Variants in USP4 observed in about 807,000 individuals in gnomAD.
USP4 encodes the protein ubiquitin specific peptidase 4.
In USP4, 72 loss-of-function variants were observed where a neutral mutation model predicts 118.2. That is an observed-to-expected ratio of 0.61 (90% CI 0.50 to 0.74). The LOEUF (loss-of-function observed/expected upper bound fraction) is 0.74. USP4 is among the 30% of genes least tolerant of loss of function. The pLI is 0.00. For synonymous variants in USP4, 415 were observed against 440.4 expected, an observed-to-expected ratio of 0.94 and a Z score of 0.72; for missense variants, 1,037 against 1,185.7, an observed-to-expected ratio of 0.87 and a Z score of 1.84.
At chr3:49,282,533 T>C (rs2047043803) in intron 19 of USP4, among the ~76,000 whole-genome samples, 1 of 152,066 alleles carries the variant, frequency 6.6e-6, no homozygotes, top group Admixed American at 6.6e-5. Flanking sequence ...CACCTCAGCC[T>C]CCCAAAGTGC....
chr3:49,309,707 A>T (rs530735383), intron 8 of USP4, among the ~76,000 whole-genome samples: 12 of 144,906 alleles, frequency 8.3e-5, no homozygotes, highest in Non-Finnish European at 1.3e-4. Flanking sequence ...GCTCACTGCA[A>T]CCTCCGTCTC....
At position 49,310,755 on chromosome 3, in the gene USP4, C is replaced by T. The variant is rs142422803; in HGVS notation, c.837-18G>A. ...CAGATCCACTGGAAAACACAACACA[C>T]ATCAGCAATAAAAGCAAGTGCATAA... On this transcript the variant is annotated intron_variant, in intron 7 of 21. Transcript: ENST00000265560. 6.3e-7 allele frequency: 1 copy of T among 1,594,190 alleles called. No individual in the cohort carries two copies. The highest frequency in any genetic ancestry group is 1.3e-5 in the African/African-American group (1 of 74,612).
At chr3:49,311,431 A>G (rs1226879431) in intron 7 of USP4, 83 bp downstream of exon 7, 2 of 1,483,982 alleles carry the variant, frequency 1.3e-6, no homozygotes, top group Admixed American at 1.8e-5. Flanking sequence ...CACTATGCTT[A>G]GTGGAGCAGC....
In USP4 at chr3:49,302,389, C is replaced by A; in HGVS notation, c.1282G>T (p.Asp428Tyr). Residue 428 changes from aspartate (D) to tyrosine (Y), a missense_variant, in exon 10 of 22, where the codon GAT (aspartate) becomes TAT (tyrosine). Physicochemically the swap from Asp to Tyr is radical, Grantham distance 160. This residue lies in a region of USP4 where 487 missense variants were observed against 534.1 expected (regional missense o/e 0.91). Transcript: ENST00000265560. ...LELKDANGRPDAVVAKEAWEN... is the reference protein window; with the variant it reads ...LELKDANGRPYAVVAKEAWEN... ...AGACATCATTAATGGCATACCGCAT[C>A]TGGCCGCCCATTGGCATCCTTCAGC... 5 of 1,613,530 alleles carry A rather than the reference C, an allele frequency of 3.1e-6. No homozygotes were observed. Among genetic ancestry groups the A allele is most frequent in the Non-Finnish European group, 4.2e-6 (5 of 1,179,878 alleles).
rs750269907 is a variant in USP4 at position 49,298,631 on chromosome 3, C to T, written c.1517G>A (p.Arg506His). Residue 506 changes from arginine (R) to histidine (H), a missense_variant, in exon 12 of 22, where the codon CGT (arginine) becomes CAT (histidine). Transcript: ENST00000265560. ...ADPHCRPTQY[R>H]VTVPLMGAVS... Reference sequence around the variant, plus strand: ...AGCCCCCATCAGCGGCACAGTCACACGGTACTGCAAGACAGAGATGGTCAA... The same window carrying T: ...AGCCCCCATCAGCGGCACAGTCACATGGTACTGCAAGACAGAGATGGTCAA... 22 of 1,613,952 alleles carry T rather than the reference C, an allele frequency of 1.4e-5. No homozygotes were observed. The highest frequency in any genetic ancestry group is 1.6e-4 in the Middle Eastern group (1 of 6,082).
At chr3:49,314,719 C>T (rs2047418496) in intron 6 of USP4, among the ~76,000 whole-genome samples, 1 of 152,096 alleles carries the variant, frequency 6.6e-6, no homozygotes, top group Admixed American at 6.6e-5. Context: ...TATCTATTTT[C>T]TTGAGCTTAA....
chr3:49,290,263 A>T (rs957331907), intron 15 of USP4, among the ~76,000 whole-genome samples: 3 of 152,130 alleles, frequency 2.0e-5, no homozygotes, highest in Non-Finnish European at 4.4e-5. Context: ...AAAAATACAA[A>T]ACTAGCCAAG....
intron 4 of USP4, among the ~76,000 whole-genome samples, 199 bp downstream of exon 4, chr3:49,325,520 C>G (rs2047544762): frequency 6.6e-6 from 1 of 152,050 alleles, no homozygotes; most frequent in African/African-American, 2.4e-5. Context: ...GACAAATGGG[C>G]AAGGAGCAGG....
intron 12 of USP4, among the ~76,000 whole-genome samples, chr3:49,298,201 G>A (rs2047228802): frequency 6.6e-6 from 1 of 152,230 alleles, no homozygotes; most frequent in South Asian, 2.1e-4. Flanking sequence ...GAAGGGCGAG[G>A]AGTGTGGTGC....
At chr3:49,290,305 T>C (rs573792777) in intron 15 of USP4, among the ~76,000 whole-genome samples, 2 of 152,218 alleles carry the variant, frequency 1.3e-5, no homozygotes, top group South Asian at 2.1e-4. Context: ...TACCAACTAC[T>C]TGGGAGGCTG....
Position 49,325,122 on chromosome 3 carries a change from T to G in USP4, c.488-83A>C. 7.8e-6 allele frequency: 12 copies of G among 1,531,010 alleles called. No homozygotes were observed. In the South Asian group the frequency reaches 1.5e-4, roughly 19 times the overall value. The allele number at this position is 1,531,010 out of a possible 1,614,324, so 94.8% of individuals were successfully genotyped here. A position where few individuals can be genotyped will look rare whatever the true frequency, so the allele number is the denominator to read the frequency against. The stretch of plus-strand genomic sequence containing the variant: ...CCATGGCAAACTAATGCTCATCCTC[T>G]TTCTTGTCAGATGCTCACAGGTGCT... On this transcript the variant is annotated intron_variant, in intron 4 of 21. Transcript: ENST00000265560.
chr3:49,292,436 TA>T, intron 15 of USP4, 73 bp downstream of exon 15: 1 of 1,051,556 alleles, frequency 9.5e-7, no homozygotes, highest in Non-Finnish European at 1.4e-6. Flanking sequence ...CCCATGTGTG[TA>T]ACACCTTTAG....
intron 20 of USP4, among the ~76,000 whole-genome samples, chr3:49,280,263 CAAAAAA>C (rs2047004530): frequency 6.6e-6 from 1 of 150,386 alleles, no homozygotes; most frequent in Non-Finnish European, 1.5e-5. Context: ...GAATCTGTCT[CAAAAAA>C]AGAGCAAACC....
chr3:49,336,812 G>A (rs998393864), intron 1 of USP4, among the ~76,000 whole-genome samples: 11 of 151,792 alleles, frequency 7.2e-5, no homozygotes, highest in Non-Finnish European at 1.5e-4. Flanking sequence ...GTGAGCCACC[G>A]CACCCGGCCA....
intron 2 of USP4, among the ~76,000 whole-genome samples, chr3:49,328,752 C>G (rs906005422): frequency 3.3e-5 from 5 of 151,330 alleles, no homozygotes; most frequent in African/African-American, 1.2e-4. Context: ...CCCAGCTACT[C>G]GGGAGGCTGA....
chr3:49,297,502 C>T (rs2047222508), intron 13 of USP4, among the ~76,000 whole-genome samples: 1 of 152,186 alleles, frequency 6.6e-6, no homozygotes, highest in South Asian at 2.1e-4. Context: ...GGACAAGATC[C>T]TTCCGTACCA....
chr3:49,317,520 T>C, intron 6 of USP4: 1 of 628,158 alleles, frequency 1.6e-6, no homozygotes, highest in Non-Finnish European at 2.8e-6. Flanking sequence ...TTTTTTTGTT[T>C]TGTTTTGTTT....
At chr3:49,290,742 T>C (rs2047142813) in intron 15 of USP4, among the ~76,000 whole-genome samples, 1 of 152,344 alleles carries the variant, frequency 6.6e-6, no homozygotes, top group East Asian at 1.9e-4. Context: ...CTCGAACTCC[T>C]GACCTCAGAT....
intron 19 of USP4, 118 bp downstream of exon 19, chr3:49,283,869 C>A (rs2047065134): frequency 6.4e-6 from 8 of 1,245,790 alleles, no homozygotes; most frequent in Non-Finnish European, 6.8e-6. Flanking sequence ...CCTCCTAGAC[C>A]CCGGCAACAC....
Sources: allele counts gnomAD v4.1 joint callset (sites outside exome capture counted in the v4.1 genomes callset), GRCh38; gene constraint gnomAD v4.1.1; regional missense constraint gnomAD v4.1.1; transcripts MANE v1.5; gene names NCBI Gene and HGNC (gene_info 2026-07-23, HGNC 2026-07-21).